EDA: variants seen among roughly 807,000 people sequenced by gnomAD.
EDA encodes ectodysplasin A, also known as ectodysplasin-A.
In EDA, 2 loss-of-function variants were observed where a neutral mutation model predicts 23.6. That is an observed-to-expected ratio of 0.08 (90% CI 0.03 to 0.27). The LOEUF (loss-of-function observed/expected upper bound fraction) is 0.27. EDA is among the 10% of genes least tolerant of loss of function. EDA has a pLI of 1.00. For synonymous variants in EDA, 131 were observed against 132.0 expected, an observed-to-expected ratio of 0.99 and a Z score of 0.05; for missense variants, 229 against 324.2, an observed-to-expected ratio of 0.71 and a Z score of 2.26.
chrX:69,739,586 T>C (rs2013382891), intron 1 of EDA, among the ~76,000 whole-genome samples: 1 of 111,387 alleles, frequency 9.0e-6, no homozygotes, highest in African/African-American at 3.2e-5. Context: ...TCTTTTGAAT[T>C]AAATGAATAT....
intron 1 of EDA, among the ~76,000 whole-genome samples, chrX:69,839,416 A>G (rs2016848690): frequency 8.9e-6 from 1 of 112,266 alleles, no homozygotes; most frequent in Non-Finnish European, 1.9e-5. Context: ...GAAATCCTAC[A>G]TGAACATTTT....
chrX:69,978,290 C>G (rs2019345064), intron 2 of EDA, among the ~76,000 whole-genome samples: 1 of 89,172 alleles, frequency 1.1e-5, no homozygotes, highest in African/African-American at 4.3e-5. Context: ...TCGAGACCAG[C>G]CTGGCCAATG....
At chrX:69,829,139 A>C (rs1361256864) in intron 1 of EDA, among the ~76,000 whole-genome samples, 1 of 112,235 alleles carries the variant, frequency 8.9e-6, no homozygotes, top group East Asian at 2.8e-4. Flanking sequence ...CCTCACTTAG[A>C]CGTAAGCCCC....
chrX:69,821,376 C>A lies in EDA; in HGVS notation c.397-135651C>A, dbSNP rs750499156. Among the ~76,000 whole-genome samples, 3 of 109,854 alleles carry A rather than the reference C, an allele frequency of 2.7e-5. No homozygotes were observed. In the South Asian group the frequency reaches 1.2e-3, roughly 44 times the overall value. ...TATCTATGTAACAAACCTGCACATC[C>A]TGCACATGTGCCCCTAAACTTAAAA... On this transcript the variant is annotated intron_variant, in intron 1 of 7. Coordinates refer to ENST00000374552, the MANE Select transcript of EDA (RefSeq NM_001399.5).
At chrX:69,989,847 C>A (rs2019557705) in intron 2 of EDA, among the ~76,000 whole-genome samples, 2 of 107,258 alleles carry the variant, frequency 1.9e-5, no homozygotes, top group African/African-American at 6.8e-5. Context: ...AGATCAGAGC[C>A]TCAGGGAACC....
intron 1 of EDA, among the ~76,000 whole-genome samples, chrX:69,675,137 C>T (rs1320819427): frequency 1.3e-5 from 1 of 78,095 alleles, no homozygotes; most frequent in East Asian, 6.4e-4. Context: ...CACATGCCAC[C>T]ATGGCCAGCT....
chrX:69,851,132 A>G (rs1245276372), intron 1 of EDA, among the ~76,000 whole-genome samples: 1 of 102,429 alleles, frequency 9.8e-6, no homozygotes, highest in Non-Finnish European at 2.0e-5. Context: ...TTACACCAAA[A>G]CGTCACAAAA....
chrX:69,640,768 C>G (rs1462641481), intron 1 of EDA, among the ~76,000 whole-genome samples: 1 of 111,428 alleles, frequency 9.0e-6, no homozygotes, highest in Non-Finnish European at 1.9e-5. Flanking sequence ...ATATGTGTCA[C>G]TGTGATGTAC....
intron 1 of EDA, among the ~76,000 whole-genome samples, chrX:69,905,321 T>C (rs979940089): frequency 1.8e-5 from 2 of 111,982 alleles, no homozygotes; most frequent in Non-Finnish European, 3.8e-5. Context: ...CTTTACTCTA[T>C]CTCCTCAACA....
At chrX:69,655,787 T>TCTATCTA (rs6151315) in intron 1 of EDA, among the ~76,000 whole-genome samples, 1 of 88,392 alleles carries the variant, frequency 1.1e-5, no homozygotes, top group African/African-American at 4.7e-5. Flanking sequence ...TATATATATA[T>TCTATCTA]TGCACTTTGT....
chrX:69,751,658 G>A (rs1211842220), intron 1 of EDA, among the ~76,000 whole-genome samples: 1 of 111,979 alleles, frequency 8.9e-6, no homozygotes, highest in Admixed American at 9.4e-5. Flanking sequence ...CTATCCATGA[G>A]CATGGAATGT....
intron 1 of EDA, chrX:69,620,888 T>C (rs1183223195): frequency 5.2e-6 from 2 of 381,844 alleles, no homozygotes. Context: ...TTTCTCTTTC[T>C]ATAACAGGCC....
At chrX:69,897,548 A>G (rs563714782) in intron 1 of EDA, among the ~76,000 whole-genome samples, 12 of 112,269 alleles carry the variant, frequency 1.1e-4, no homozygotes, top group Admixed American at 2.8e-4. Flanking sequence ...TTTCTTTTCA[A>G]TAGTCAGCTA....
chrX:69,832,570 G>T (rs2016642919), intron 1 of EDA, among the ~76,000 whole-genome samples: 1 of 111,520 alleles, frequency 9.0e-6, no homozygotes, highest in African/African-American at 3.3e-5. Context: ...TTCCAATTCT[G>T]TGAAGAAAGT....
At chrX:69,896,599 G>A (rs2018020200) in intron 1 of EDA, among the ~76,000 whole-genome samples, 2 of 111,311 alleles carry the variant, frequency 1.8e-5, no homozygotes, top group Admixed American at 9.6e-5. Flanking sequence ...AGACTATTTA[G>A]TATAATCCTC....
At chrX:69,960,479 A>G (rs866281202) in intron 2 of EDA, among the ~76,000 whole-genome samples, 24 of 111,323 alleles carry the variant, frequency 2.2e-4, no homozygotes, top group South Asian at 1.9e-3. Context: ...TGAGGTAGCT[A>G]TTAAACAGCC....
chrX:69,669,898 C>T (rs1297606221), intron 1 of EDA, among the ~76,000 whole-genome samples: 2 of 111,801 alleles, frequency 1.8e-5, no homozygotes, highest in Non-Finnish European at 3.8e-5. Context: ...ACTGTTTTGA[C>T]TTATAACCAT....
At chrX:69,895,947 T>C (rs1013367905) in intron 1 of EDA, among the ~76,000 whole-genome samples, 4 of 112,357 alleles carry the variant, frequency 3.6e-5, no homozygotes, top group Admixed American at 9.4e-5. Context: ...AGGGCTACCT[T>C]AAGAAAATAC....
intron 2 of EDA, among the ~76,000 whole-genome samples, chrX:69,997,020 C>T (rs375548779): frequency 6.3e-5 from 7 of 111,378 alleles, no homozygotes; most frequent in African/African-American, 2.3e-4. Context: ...TTTATCAGCA[C>T]CATGAAATGG....
Sources: gnomAD v4.1 joint callset for allele counts (sites outside exome capture counted in the v4.1 genomes callset) on GRCh38, gnomAD v4.1.1 for gene constraint, MANE v1.5 for transcripts, NCBI Gene and HGNC (gene_info 2026-07-23, HGNC 2026-07-21) for gene names.